The following ATG5 variants were observed in gnomAD, a reference collection of about 807,000 sequenced individuals.
ATG5 encodes the protein autophagy related 5.
Under a neutral mutation model 36.5 loss-of-function variants are expected in ATG5, and 14 were observed. The ratio of observed to expected loss-of-function variants is 0.38; its 90% confidence interval spans 0.25 to 0.60. The LOEUF is 0.60. ATG5 is among the 20% of genes least tolerant of loss of function. The pLI, the probability that ATG5 is intolerant of heterozygous loss-of-function variation, is 0.60. For synonymous variants in ATG5, 95 were observed against 101.5 expected, an observed-to-expected ratio of 0.94 and a Z score of 0.38; for missense variants, 195 against 326.7, an observed-to-expected ratio of 0.60 and a Z score of 3.11.
chr6:106,283,920 T>C (rs1015634999), intron 4 of ATG5, among the ~76,000 whole-genome samples: 6 of 152,250 alleles, frequency 3.9e-5, no homozygotes, highest in Non-Finnish European at 7.3e-5. Context: ...TCAATTAATA[T>C]AAATGCATTA....
At chr6:106,199,819 G>T (rs1219431572) in intron 7 of ATG5, among the ~76,000 whole-genome samples, 1 of 152,134 alleles carries the variant, frequency 6.6e-6, no homozygotes, top group Admixed American at 6.5e-5. Context: ...ATGATAGAAA[G>T]AATTCAGTAA....
At chr6:106,237,070 C>T (rs1312215172) in intron 6 of ATG5, among the ~76,000 whole-genome samples, 1 of 152,154 alleles carries the variant, frequency 6.6e-6, no homozygotes, top group Non-Finnish European at 1.5e-5. Flanking sequence ...TTCCACTCCA[C>T]ATCCACTGTA....
intron 4 of ATG5, among the ~76,000 whole-genome samples, chr6:106,290,263 A>T (rs1020478262): frequency 4.8e-4 from 57 of 119,932 alleles, no homozygotes; most frequent in African/African-American, 1.3e-3. Context: ...TATTTTATTT[A>T]TTTTATTTTA....
chr6:106,221,045 G>A (rs1283751864), intron 6 of ATG5, among the ~76,000 whole-genome samples: 1 of 152,178 alleles, frequency 6.6e-6, no homozygotes, highest in Non-Finnish European at 1.5e-5. Context: ...CAGTAAATTA[G>A]GAAACTAAAG....
chr6:106,275,182 T>C (rs1422348004), intron 5 of ATG5, among the ~76,000 whole-genome samples: 1 of 152,252 alleles, frequency 6.6e-6, no homozygotes, highest in African/African-American at 2.4e-5. Flanking sequence ...GAAAAAAGTA[T>C]TCCTGATAAA....
intron 5 of ATG5, among the ~76,000 whole-genome samples, chr6:106,276,357 G>A (rs534336470): frequency 2.0e-5 from 3 of 151,936 alleles, no homozygotes; most frequent in East Asian, 1.9e-4. Context: ...CCAGCTATTC[G>A]GGAGGCTGAG....
intron 7 of ATG5, among the ~76,000 whole-genome samples, chr6:106,192,444 G>A (rs1159317989): frequency 1.3e-5 from 2 of 152,200 alleles, no homozygotes; most frequent in East Asian, 3.9e-4. Context: ...ATCTATAAAT[G>A]TCTTTAAAAA....
intron 6 of ATG5, among the ~76,000 whole-genome samples, chr6:106,206,648 CAAAA>C (rs57955030): frequency 8.5e-6 from 1 of 118,122 alleles, no homozygotes; most frequent in Non-Finnish European, 1.8e-5. Context: ...GAAACTGTCT[CAAAA>C]AAAAAAAAAA....
Position 106,298,412 on chromosome 6 carries a change from G to A in ATG5, c.237-5306C>T, listed in dbSNP as rs566735583. Among the ~76,000 whole-genome samples, 10 of 151,998 alleles carry A rather than the reference G, an allele frequency of 6.6e-5. No individual in the cohort carries two copies. The East Asian group carries it at 7.7e-4, about 12-fold the overall frequency. On this transcript the variant is annotated intron_variant, in intron 3 of 7. Coordinates refer to ENST00000369076, the MANE Select transcript of ATG5 (RefSeq NM_004849.4). ...ATATTTAAATTTAAATTAGCTGGGC[G>A]TGGTGGCATGCACCTGTAGTCCCAG...
chr6:106,319,207 G>A (rs929823579), intron 1 of ATG5, among the ~76,000 whole-genome samples: 8 of 152,020 alleles, frequency 5.3e-5, no homozygotes, highest in Admixed American at 4.6e-4. Context: ...TACTATAAAG[G>A]TTATCTACTA....
chr6:106,282,332 TGTA>T lies in ATG5; in HGVS notation c.316-2512_316-2510del, dbSNP rs540813514. ...TTGCAACATGAAATGCCATATTTAT[TGTA>T]GTATTTATGCATTTCTCATACATTT... is the stretch of plus-strand genomic sequence containing the variant. On this transcript the variant is annotated intron_variant, in intron 4 of 7. Coordinates refer to ENST00000369076, the MANE Select transcript of ATG5 (RefSeq NM_004849.4). Among the ~76,000 whole-genome samples the T allele has an allele frequency of 3.2e-3, 481 of 152,348 alleles. 1 individual carries two copies. The highest frequency in any genetic ancestry group is 6.8e-3 in the Middle Eastern group (2 of 294).
intron 5 of ATG5, among the ~76,000 whole-genome samples, chr6:106,263,893 A>C (rs1029612555): frequency 4.0e-5 from 6 of 151,738 alleles, no homozygotes; most frequent in African/African-American, 7.3e-5. Context: ...AAAAAAAAAA[A>C]CAGCACAAAA....
At chr6:106,286,710 T>C (rs1329605745) in intron 4 of ATG5, among the ~76,000 whole-genome samples, 1 of 152,212 alleles carries the variant, frequency 6.6e-6, no homozygotes, top group Admixed American at 6.5e-5. Flanking sequence ...TAGACTTTCT[T>C]TGTTGCCCTG....
At chr6:106,294,119 T>C (rs1197164490) in intron 3 of ATG5, among the ~76,000 whole-genome samples, 3 of 152,196 alleles carry the variant, frequency 2.0e-5, no homozygotes, top group African/African-American at 4.8e-5. Context: ...TCTTAGATTC[T>C]GGATTTCAAA....
chr6:106,216,343 C>T (rs1777037837), intron 6 of ATG5, among the ~76,000 whole-genome samples: 1 of 152,144 alleles, frequency 6.6e-6, no homozygotes, highest in African/African-American at 2.4e-5. Context: ...AAAGTGGAGA[C>T]AATCCACATG....
intron 4 of ATG5, among the ~76,000 whole-genome samples, chr6:106,285,643 T>C (rs542194731): frequency 1.3e-5 from 2 of 152,326 alleles, no homozygotes; most frequent in African/African-American, 4.8e-5. Flanking sequence ...ACTGTGCAGG[T>C]CATACAGTCT....
chr6:106,296,943 G>C (rs1264267949), intron 3 of ATG5, among the ~76,000 whole-genome samples: 1 of 152,214 alleles, frequency 6.6e-6, no homozygotes, highest in African/African-American at 2.4e-5. Flanking sequence ...GACAGAGGAA[G>C]ATGTTTCACA....
chr6:106,193,203 C>A (rs1429740940), intron 7 of ATG5, among the ~76,000 whole-genome samples: 1 of 152,100 alleles, frequency 6.6e-6, no homozygotes, highest in Non-Finnish European at 1.5e-5. Context: ...TGCTGTTTAT[C>A]AGAAAAATAC....
chr6:106,195,816 A>AAAAAAAAAAAAAAAAAAAAAAAG, intron 7 of ATG5, among the ~76,000 whole-genome samples: 1 of 151,224 alleles, frequency 6.6e-6, no homozygotes, highest in Non-Finnish European at 1.5e-5. Context: ...TCTAAAAAAA[A>AAAAAAAAAAAAAAAAAAAAAAAG]AAAAAAAAAA....
Sources: allele counts gnomAD v4.1 joint callset (sites outside exome capture counted in the v4.1 genomes callset), GRCh38; gene constraint gnomAD v4.1.1; transcripts MANE v1.5; gene names NCBI Gene and HGNC (gene_info 2026-07-23, HGNC 2026-07-21).